SH3BP4: variants seen among roughly 807,000 people sequenced by gnomAD.
The protein encoded by SH3BP4 is SH3 domain binding protein 4.
Under a neutral mutation model 65.5 loss-of-function variants are expected in SH3BP4, and 33 were observed. The observed-to-expected ratio is 0.50, with a 90% CI of 0.38 to 0.67. The LOEUF is 0.67. SH3BP4 is among the 30% of genes least tolerant of loss of function. The probability of loss-of-function intolerance (pLI) is 0.00; values close to 1 mark genes in which losing one functional copy is unlikely to be tolerated. For missense variants in SH3BP4, 1,134 were observed against 1,261.4 expected (o/e 0.90, Z 1.53); for synonymous variants, 552 against 545.5 (o/e 1.01, Z -0.17).
intron 2 of SH3BP4, among the ~76,000 whole-genome samples, chr2:235,011,589 C>T (rs956731605): frequency 1.3e-5 from 2 of 152,222 alleles, no homozygotes; most frequent in African/African-American, 2.4e-5. Flanking sequence ...TGATAGCTCT[C>T]ATCTGTGTCT....
chr2:234,964,268 C>T (rs978600329), intron 1 of SH3BP4, among the ~76,000 whole-genome samples: 3 of 150,812 alleles, frequency 2.0e-5, no homozygotes, highest in African/African-American at 7.4e-5. Context: ...CTTCAGGAGG[C>T]TGGGGAGGGG....
chr2:234,984,368 ATT>A (rs55708607), intron 1 of SH3BP4, among the ~76,000 whole-genome samples: 23 of 145,854 alleles, frequency 1.6e-4, no homozygotes, highest in African/African-American at 5.0e-4. Context: ...TGCCTGGCTA[ATT>A]TTTTTTTTTT....
intron 2 of SH3BP4, among the ~76,000 whole-genome samples, chr2:235,011,378 A>AAGGAG (rs1694500032): frequency 6.6e-6 from 1 of 152,206 alleles, no homozygotes; most frequent in African/African-American, 2.4e-5. Flanking sequence ...TCCCTCTTAT[A>AAGGAG]AGGACACCAG....
In SH3BP4 at chr2:235,026,649, A is replaced by G. The variant is rs1695010474; in HGVS notation, c.-132-8222A>G. Among the ~76,000 whole-genome samples, 1 of 152,224 alleles carries G rather than the reference A, an allele frequency of 6.6e-6. No individual in the cohort carries two copies. Among genetic ancestry groups the G allele is most frequent in the Non-Finnish European group, 1.5e-5 (1 of 68,052 alleles). ...TAAGGTGACCTCTGTGCGTAGTCCCAGGTAGATGTGGCACCCAGGATATGC... is the reference window on the plus strand; with the variant it reads ...TAAGGTGACCTCTGTGCGTAGTCCCGGGTAGATGTGGCACCCAGGATATGC... On this transcript the variant is annotated intron_variant, in intron 2 of 5. Coordinates refer to ENST00000392011, the MANE Select transcript of SH3BP4 (RefSeq NM_014521.3). This position sits in a 1 kb window ranked among gnomAD's most constrained non-coding sequence, Gnocchi z 4.6.
At chr2:235,031,766 C>T (rs1695209460) in intron 2 of SH3BP4, among the ~76,000 whole-genome samples, 1 of 152,250 alleles carries the variant, frequency 6.6e-6, no homozygotes, top group South Asian at 2.1e-4. Flanking sequence ...CTCTGGGCCC[C>T]ACTAGGTGGC....
chr2:235,003,912 C>G (rs965735132), intron 2 of SH3BP4, among the ~76,000 whole-genome samples: 1 of 152,128 alleles, frequency 6.6e-6, no homozygotes, highest in African/African-American at 2.4e-5. Context: ...TTTGAGAGTC[C>G]TAAAACCCAC....
rs2106278351 is a variant in SH3BP4 at position 234,997,667 on chromosome 2, T to C, written c.-133+2291T>C. 1.3e-5 allele frequency among the ~76,000 whole-genome samples: 2 copies of C among 152,274 alleles called. No individual in the cohort carries two copies. Among genetic ancestry groups the C allele is most frequent in the South Asian group, 4.2e-4 (2 of 4,818 alleles). ...TTGTTCCCACTGTCCCACTGATGGC[T>C]GGGAAGGGTGAGCTCCAGCCCCCGG... On this transcript the variant is annotated intron_variant, in intron 2 of 5. Coordinates refer to ENST00000392011, the MANE Select transcript of SH3BP4 (RefSeq NM_014521.3). This position sits in a 1 kb window ranked among gnomAD's most constrained non-coding sequence, Gnocchi z 4.2.
chr2:235,012,146 G>A (rs528303727), intron 2 of SH3BP4, among the ~76,000 whole-genome samples: 4 of 152,326 alleles, frequency 2.6e-5, no homozygotes, highest in South Asian at 2.1e-4. Flanking sequence ...GTTACGGGGC[G>A]CTGACAGTGG....
intron 1 of SH3BP4, among the ~76,000 whole-genome samples, chr2:234,968,240 G>A (rs1262130945): frequency 6.6e-6 from 1 of 152,186 alleles, no homozygotes; most frequent in Non-Finnish European, 1.5e-5. Context: ...CTTATGAGGT[G>A]GGGACTGGGG....
At position 235,042,849 on chromosome 2, in the gene SH3BP4, C is replaced by T. The variant is rs745554179; in HGVS notation, c.2080C>T (p.Arg694Trp). ...GCTCAGCGAGGAGCGGGTCAGGCTC[C>T]GGGGCCAGCTGTGGACCAAGGAGTG... ...ALLSEERVRL[R>W]GQLWTKEWYI... is the part of the protein sequence containing the mutation. Residue 694 changes from arginine to tryptophan, a missense_variant, in exon 4 of 6, where the codon CGG (arginine) becomes TGG (tryptophan). Physicochemically the swap from Arg to Trp is moderately radical, Grantham distance 101. Transcript: ENST00000392011. The surrounding 1 kb of genome is among the most constrained non-coding windows in gnomAD (Gnocchi z 7.3). 14 of 1,613,730 alleles carry T rather than the reference C, an allele frequency of 8.7e-6. No homozygotes were observed. The highest frequency in any genetic ancestry group is 2.2e-5 in the East Asian group (1 of 44,884).
chr2:235,004,538 G>A (rs563558184), intron 2 of SH3BP4, among the ~76,000 whole-genome samples: 3 of 152,060 alleles, frequency 2.0e-5, no homozygotes, highest in Non-Finnish European at 2.9e-5. Context: ...CCTCCTTCCC[G>A]CCCCTGACAA....
rs549433655 is a variant in SH3BP4, at chr2:234,991,604, T to C, written c.-206-3699T>C. On this transcript the variant is annotated intron_variant, in intron 1 of 5. Coordinates refer to ENST00000392011, the MANE Select transcript of SH3BP4 (RefSeq NM_014521.3). The surrounding 1 kb of genome is among the most constrained non-coding windows in gnomAD (Gnocchi z 4.2). ...AACCGTGTGGTTTTCTTGGGGCCCC[T>C]GAAGACTGACGGGTCCACACTGGTG... Among the ~76,000 whole-genome samples the C allele has an allele frequency of 9.8e-4, 150 of 152,292 alleles. No individual in the cohort carries two copies. Among genetic ancestry groups the C allele is most frequent in the Non-Finnish European group, 1.7e-3 (116 of 68,014 alleles).
intron 1 of SH3BP4, among the ~76,000 whole-genome samples, chr2:234,992,032 C>T (rs895520145): frequency 7.9e-5 from 12 of 152,362 alleles, no homozygotes; most frequent in East Asian, 1.9e-4. Context: ...TAAGTAAAGA[C>T]GCTGCCTAAA....
intron 2 of SH3BP4, among the ~76,000 whole-genome samples, chr2:235,011,133 TA>T (rs1411505047): frequency 9.4e-5 from 10 of 106,232 alleles, no homozygotes; most frequent in African/African-American, 5.1e-4. Flanking sequence ...CTCCCTCTCC[TA>T]GGAGAACCCT....
chr2:234,956,407 T>C (rs935678820), intron 1 of SH3BP4, among the ~76,000 whole-genome samples: 3 of 152,220 alleles, frequency 2.0e-5, no homozygotes, highest in African/African-American at 7.2e-5. Flanking sequence ...TATTCTTATC[T>C]GCGCAATAAA....
rs145225849 is a variant in SH3BP4, at chr2:235,020,073, C to T, written c.-132-14798C>T. Among the ~76,000 whole-genome samples, 237 of 152,178 alleles carry T rather than the reference C, an allele frequency of 1.6e-3. 1 individual carries two copies. The highest frequency in any genetic ancestry group is 4.8e-3 in the African/African-American group (201 of 41,518). ...CTTCTTTGCGACATAAGAGAAAGAA[C>T]GGGAAAGGCAGTGAAACAGACACCA... On this transcript the variant is annotated intron_variant, in intron 2 of 5. Coordinates refer to ENST00000392011, the MANE Select transcript of SH3BP4 (RefSeq NM_014521.3).
At chr2:234,986,114 G>A (rs1282253383) in intron 1 of SH3BP4, among the ~76,000 whole-genome samples, 7 of 152,200 alleles carry the variant, frequency 4.6e-5, no homozygotes, top group Non-Finnish European at 7.3e-5. Context: ...TATGAGCTCA[G>A]GGTCCATGTG....
chr2:234,956,682 T>C (rs1181407306), intron 1 of SH3BP4, among the ~76,000 whole-genome samples: 1 of 151,676 alleles, frequency 6.6e-6, no homozygotes. Context: ...GCCTCCTGAG[T>C]AGCTGGAACT....
intron 1 of SH3BP4, among the ~76,000 whole-genome samples, chr2:234,970,883 T>C (rs1199444072): frequency 6.6e-6 from 1 of 152,134 alleles, no homozygotes; most frequent in Non-Finnish European, 1.5e-5. Context: ...TTCTGTAGGT[T>C]ATCACGCCCA....
Sources: allele counts gnomAD v4.1 joint callset (sites outside exome capture counted in the v4.1 genomes callset), GRCh38; gene constraint gnomAD v4.1.1; non-coding constraint Gnocchi (gnomAD v3.1); transcripts MANE v1.5; gene names NCBI Gene and HGNC (gene_info 2026-07-23, HGNC 2026-07-21).